Variants in DLGAP2 observed in about 807,000 individuals in gnomAD.
The protein encoded by DLGAP2 is disks large-associated protein 2.
In DLGAP2, 26 loss-of-function variants were observed where a neutral mutation model predicts 100.3. That is an observed-to-expected ratio of 0.26 (90% CI 0.19 to 0.36). DLGAP2 has a LOEUF of 0.36. Among genes scored for constraint, DLGAP2 ranks in the 10% least tolerant of loss-of-function variants. The pLI is 1.00. For synonymous variants in DLGAP2, 886 were observed against 630.1 expected, an observed-to-expected ratio of 1.41 and a Z score of -6.08; for missense variants, 1,858 against 1,453.2, an observed-to-expected ratio of 1.28 and a Z score of -4.53.
intron 2 of DLGAP2, among the ~76,000 whole-genome samples, chr8:1,179,837 A>G (rs1169785641): frequency 6.6e-6 from 1 of 152,228 alleles, no homozygotes; most frequent in Non-Finnish European, 1.5e-5. Flanking sequence ...AGTGATTGCT[A>G]AGAATAGACT....
chr8:1,571,733 A>G (rs1410158763), intron 6 of DLGAP2, among the ~76,000 whole-genome samples: 27 of 91,072 alleles, frequency 3.0e-4, no homozygotes, highest in African/African-American at 4.6e-4. Context: ...GCGTCTGATG[A>G]GATGGAGAGG....
intron 3 of DLGAP2, among the ~76,000 whole-genome samples, chr8:1,306,505 C>G (rs537813047): frequency 1.3e-5 from 2 of 152,198 alleles, no homozygotes; most frequent in African/African-American, 4.8e-5. Context: ...GATGTCAGAA[C>G]TACTAATGGT....
intron 2 of DLGAP2, among the ~76,000 whole-genome samples, chr8:920,305 A>G (rs952441184): frequency 2.6e-5 from 4 of 152,330 alleles, no homozygotes; most frequent in South Asian, 2.1e-4. Flanking sequence ...TATAAACCAT[A>G]TGTTTGCACA....
intron 2 of DLGAP2, among the ~76,000 whole-genome samples, chr8:1,206,797 C>A (rs1798005680): frequency 6.6e-6 from 1 of 152,230 alleles, no homozygotes; most frequent in Non-Finnish European, 1.5e-5. Flanking sequence ...TCTTTGTCTG[C>A]ACCTGCAGGC....
chr8:1,203,544 C>T (rs558943077), intron 2 of DLGAP2, among the ~76,000 whole-genome samples: 1 of 152,274 alleles, frequency 6.6e-6, no homozygotes, highest in South Asian at 2.1e-4. Context: ...GGAACAGATG[C>T]TAAAGGTTCT....
chr8:1,168,019 T>A (rs897498685), intron 2 of DLGAP2, among the ~76,000 whole-genome samples: 3 of 144,914 alleles, frequency 2.1e-5, no homozygotes, highest in African/African-American at 7.7e-5. Context: ...CTCCCATTGC[T>A]ATCCCTCCCC....
At chr8:900,633 A>G (rs1380460918) in intron 1 of DLGAP2, among the ~76,000 whole-genome samples, 4 of 152,146 alleles carry the variant, frequency 2.6e-5, no homozygotes, top group Admixed American at 6.5e-5. Flanking sequence ...TCCCATGTTT[A>G]TGAGGCTACA....
At chr8:767,483 G>C (rs1273870005) in intron 1 of DLGAP2, among the ~76,000 whole-genome samples, 4 of 151,632 alleles carry the variant, frequency 2.6e-5, no homozygotes, top group Admixed American at 2.6e-4. Context: ...TGCCTCAGTG[G>C]GTAGCTGGGA....
chr8:1,478,258 G>C (rs532061723), intron 3 of DLGAP2, among the ~76,000 whole-genome samples: 13 of 152,226 alleles, frequency 8.5e-5, no homozygotes, highest in Admixed American at 7.8e-4. Context: ...AACTGTCTGG[G>C]GTATGGGTGC....
chr8:1,554,182 G>A (rs911443657), intron 5 of DLGAP2, among the ~76,000 whole-genome samples: 4 of 152,202 alleles, frequency 2.6e-5, no homozygotes, highest in African/African-American at 9.6e-5. Context: ...CAGCTACTCA[G>A]GAGGCCAAGG....
rs144721479 is a variant in DLGAP2, at chr8:1,287,082, G to A, written c.106+28199G>A. Among the ~76,000 whole-genome samples, 915 of 152,064 alleles carry A rather than the reference G, an allele frequency of 6.0e-3. 9 individuals carry two copies. Among genetic ancestry groups the A allele is most frequent in the African/African-American group, 0.02 (833 of 41,440 alleles). On this transcript the variant is annotated intron_variant, in intron 3 of 14. Transcript: ENST00000637795. ...TGGTTCTATTAGGGGAACTGGTTTC[G>A]GTTCAGTATGTGTGTGCATGGTTAA...
chr8:1,009,221 T>G (rs1801208400), intron 2 of DLGAP2, among the ~76,000 whole-genome samples: 1 of 152,090 alleles, frequency 6.6e-6, no homozygotes, highest in Admixed American at 6.5e-5. Context: ...CCCCCAAAAC[T>G]CTCCTTCCTC....
chr8:1,641,905 G>C (rs62483072), intron 8 of DLGAP2, among the ~76,000 whole-genome samples: 27,074 of 107,802 alleles, frequency 0.25, 2,875 homozygotes, highest in East Asian at 0.32. Context: ...TGTCACCCTC[G>C]ACCCCGCCGG....
chr8:1,057,045 C>T (rs1206815834), intron 2 of DLGAP2, among the ~76,000 whole-genome samples: 1 of 152,190 alleles, frequency 6.6e-6, no homozygotes, highest in Non-Finnish European at 1.5e-5. Flanking sequence ...TAATCCACAC[C>T]CGCAGTTTGA....
intron 3 of DLGAP2, among the ~76,000 whole-genome samples, chr8:1,485,068 C>G (rs1374016669): frequency 1.3e-5 from 2 of 152,174 alleles, no homozygotes; most frequent in Admixed American, 6.5e-5. Flanking sequence ...TCTTAAAGAA[C>G]TATAGAGAAT....
At chr8:1,054,271 GAC>G (rs953184851) in intron 2 of DLGAP2, among the ~76,000 whole-genome samples, 52 of 151,468 alleles carry the variant, frequency 3.4e-4, no homozygotes, top group African/African-American at 8.2e-4. Context: ...CACACACACG[GAC>G]ACACACGCAC....
chr8:1,465,367 G>A (rs959894950), intron 3 of DLGAP2, among the ~76,000 whole-genome samples: 1 of 151,976 alleles, frequency 6.6e-6, no homozygotes, highest in African/African-American at 2.4e-5. Flanking sequence ...GGGGACAGAT[G>A]AAGAGATGAG....
chr8:1,250,691 A>C (rs576726252), intron 2 of DLGAP2: 1 of 151,348 alleles, frequency 6.6e-6, no homozygotes, highest in African/African-American at 2.4e-5. Flanking sequence ...AAAGCCAGTC[A>C]CTCCTGGGTT....
At chr8:1,508,003 G>A (rs1799993721) in intron 4 of DLGAP2, among the ~76,000 whole-genome samples, 1 of 151,958 alleles carries the variant, frequency 6.6e-6, no homozygotes, top group Non-Finnish European at 1.5e-5. Flanking sequence ...CACAGGAAAG[G>A]GGCCCTGAGG....
Sources: gnomAD v4.1 joint callset for allele counts (sites outside exome capture counted in the v4.1 genomes callset) on GRCh38, gnomAD v4.1.1 for gene constraint, MANE v1.5 for transcripts, NCBI Gene and HGNC (gene_info 2026-07-23, HGNC 2026-07-21) for gene names.